Variants in GOLGA1 observed in about 807,000 individuals in gnomAD.
The protein encoded by GOLGA1 is golgin A1, also known as golgin subfamily A member 1.
GOLGA1 carries 63 observed loss-of-function variants against 119.7 expected under a neutral mutation model. The ratio of observed to expected loss-of-function variants is 0.53; its 90% CI spans 0.43 to 0.65. The LOEUF is 0.65. GOLGA1 is among the 30% of genes least tolerant of loss of function. The pLI is 0.00. For synonymous variants in GOLGA1, 318 were observed against 333.4 expected, an observed-to-expected ratio of 0.95 and a Z score of 0.50; for missense variants, 798 against 912.8, an observed-to-expected ratio of 0.87 and a Z score of 1.62.
intron 19 of GOLGA1, among the ~76,000 whole-genome samples, chr9:124,886,910 G>A (rs1049706941): frequency 3.9e-5 from 6 of 152,064 alleles, no homozygotes; most frequent in Non-Finnish European, 8.8e-5. Flanking sequence ...GGGGTTGCGG[G>A]GAACACTGGG....
At chr9:124,947,698 A>T (rs1431208319) in intron 1 of GOLGA1, 1 of 152,260 alleles carries the variant, frequency 6.6e-6, no homozygotes, top group Admixed American at 6.5e-5. Context: ...AAAAATATAC[A>T]TATGCCATTA....
intron 19 of GOLGA1, chr9:124,887,623 T>TCA (rs916244805): frequency 6.6e-6 from 1 of 152,634 alleles, no homozygotes; most frequent in Non-Finnish European, 1.5e-5. Context: ...ACACGTGCAC[T>TCA]CACACACACA....
At chr9:124,934,647 T>C (rs1354796430) in intron 3 of GOLGA1, among the ~76,000 whole-genome samples, 1 of 152,168 alleles carries the variant, frequency 6.6e-6, no homozygotes, top group Non-Finnish European at 1.5e-5. Flanking sequence ...CAGTTTACCA[T>C]TATGCTATAA....
chr9:124,898,935 C>T (rs1389183476), intron 14 of GOLGA1, among the ~76,000 whole-genome samples: 1 of 152,078 alleles, frequency 6.6e-6, no homozygotes, highest in African/African-American at 2.4e-5. Flanking sequence ...GTGGCTCATG[C>T]CTATAATTCC....
At position 124,895,274 on chromosome 9, in the gene GOLGA1, A is replaced by C. The variant is rs562813105; in HGVS notation, c.1407+3275T>G. Among the ~76,000 whole-genome samples the C allele has an allele frequency of 5.4e-5, 8 of 148,502 alleles. No individual in the cohort carries two copies. The South Asian group carries it at 1.7e-3, about 32-fold the overall frequency. On this transcript the variant is annotated intron_variant, in intron 15 of 22. Transcript: ENST00000373555. The stretch of plus-strand genomic sequence containing the variant: ...CCCTCCATAACAGAGAACCATCCAC[A>C]ACAGAGAACCCTCCACAACAGAGAA...
chr9:124,943,416 CTAAA>C (rs1831091063), upstream of GOLGA1: 1 of 152,154 alleles, frequency 6.6e-6, no homozygotes, highest in Non-Finnish European at 1.5e-5. Flanking sequence ...TTGTGAATAG[CTAAA>C]TAGGCAACCA....
Position 124,893,924 on chromosome 9 carries a change from G to A in GOLGA1, c.1408-3446C>T, listed in dbSNP as rs139714250. 2.5e-3 allele frequency among the ~76,000 whole-genome samples: 385 copies of A among 152,308 alleles called. 1 individual carries two copies. Among genetic ancestry groups the A allele is most frequent in the African/African-American group, 8.9e-3 (369 of 41,556 alleles). On this transcript the variant is annotated intron_variant, in intron 15 of 22. Transcript: ENST00000373555. ...AGTTTTTCTGGGAGTCCTCAGGTGA[G>A]CTGGTCTGAATTACCTAGTTTGCCT... is the stretch of plus-strand genomic sequence containing the variant.
chr9:124,927,167 T>C (rs1488289470), intron 6 of GOLGA1, among the ~76,000 whole-genome samples: 1 of 151,840 alleles, frequency 6.6e-6, no homozygotes, highest in African/African-American at 2.4e-5. Context: ...ACTGGGGGAG[T>C]AGGGGGGATC....
At chr9:124,884,537 C>T (rs926583360) in intron 19 of GOLGA1, among the ~76,000 whole-genome samples, 9 of 152,152 alleles carry the variant, frequency 5.9e-5, no homozygotes, top group Non-Finnish European at 2.9e-5. Context: ...TGGGCTTCCA[C>T]TTTAAACAAA....
chr9:124,939,431 A>C (rs1043666667), intron 2 of GOLGA1, among the ~76,000 whole-genome samples: 1 of 152,184 alleles, frequency 6.6e-6, no homozygotes, highest in Admixed American at 6.5e-5. Flanking sequence ...AACAGAAAAA[A>C]GAAGACACAC....
At chr9:124,928,817 G>A (rs1364106757) in intron 5 of GOLGA1, among the ~76,000 whole-genome samples, 1 of 152,122 alleles carries the variant, frequency 6.6e-6, no homozygotes, top group Non-Finnish European at 1.5e-5. Context: ...CAAAATGTAT[G>A]ATTTATTGCT....
intron 15 of GOLGA1, among the ~76,000 whole-genome samples, chr9:124,895,256 TAACAGAGAACCATCCAC>T (rs1564326403): frequency 6.9e-5 from 5 of 72,710 alleles, no homozygotes; most frequent in Non-Finnish European, 1.1e-4. Context: ...GAACCCTCCA[TAACAGAGAACCATCCAC>T]AACAGAGAAC....
At chr9:124,937,498 G>A (rs1342636506) in intron 3 of GOLGA1, among the ~76,000 whole-genome samples, 4 of 151,752 alleles carry the variant, frequency 2.6e-5, no homozygotes, top group Middle Eastern at 3.2e-3. Context: ...GGGTGTGGTC[G>A]TGGGCACCTG....
intron 7 of GOLGA1, among the ~76,000 whole-genome samples, chr9:124,923,561 A>T (rs1023596008): frequency 6.6e-6 from 1 of 152,224 alleles, no homozygotes; most frequent in East Asian, 1.9e-4. Context: ...AATTGAATTA[A>T]TCCTTTAACT....
At chr9:124,914,594 C>T (rs1315199060) in intron 10 of GOLGA1, among the ~76,000 whole-genome samples, 4 of 152,156 alleles carry the variant, frequency 2.6e-5, no homozygotes, top group African/African-American at 7.2e-5. Flanking sequence ...ATGACCAAGA[C>T]AGTGTGGTAA....
intron 3 of GOLGA1, among the ~76,000 whole-genome samples, chr9:124,933,362 G>C (rs1046110804): frequency 3.9e-5 from 6 of 152,144 alleles, no homozygotes; most frequent in African/African-American, 1.4e-4. Flanking sequence ...TAAAATGTTT[G>C]TGCAAAAATA....
chr9:124,902,106 T>TTTA (rs917488825), intron 12 of GOLGA1, among the ~76,000 whole-genome samples: 11 of 152,058 alleles, frequency 7.2e-5, no homozygotes, highest in South Asian at 2.1e-4. Context: ...CTTGGGGAGC[T>TTTA]TTATTATTAT....
At position 124,902,590 on chromosome 9, in the gene GOLGA1, C is replaced by T. The variant is rs188173689; in HGVS notation, c.1066-2043G>A. Among the ~76,000 whole-genome samples the T allele has an allele frequency of 1.3e-3, 204 of 151,974 alleles. 3 individuals are homozygous for T. The highest frequency in any genetic ancestry group is 4.5e-3 in the African/African-American group (187 of 41,454). ...AAAGCTCCGCCGCCTCCTGGGTTCA[C>T]GCCATTTTCCTGCCTCAGCCTCCTG... On this transcript the variant is annotated intron_variant, in intron 12 of 22. Transcript: ENST00000373555.
chr9:124,931,943 C>T (rs1564344900), intron 3 of GOLGA1, among the ~76,000 whole-genome samples: 1 of 152,104 alleles, frequency 6.6e-6, no homozygotes, highest in Non-Finnish European at 1.5e-5. Context: ...TACATTTTTC[C>T]CCAACAAACC....
Sources: gnomAD v4.1 joint callset for allele counts (sites outside exome capture counted in the v4.1 genomes callset) on GRCh38, gnomAD v4.1.1 for gene constraint, MANE v1.5 for transcripts, NCBI Gene and HGNC (gene_info 2026-07-23, HGNC 2026-07-21) for gene names.